TMEM164: variants seen among roughly 807,000 people sequenced by gnomAD.
TMEM164 encodes transmembrane protein 164.
In TMEM164, 4 loss-of-function variants were observed where a neutral mutation model predicts 18.8. The observed-to-expected ratio is 0.21, with a 90% confidence interval of 0.10 to 0.49. The LOEUF is 0.49. Ranked by LOEUF, TMEM164 falls within the 20% of genes least tolerant of loss-of-function variation. The pLI, the probability that TMEM164 is intolerant of heterozygous loss-of-function variation, is 0.98. For missense variants in TMEM164, 108 were observed against 239.9 expected, an observed-to-expected ratio of 0.45 and a Z score of 3.63; for synonymous variants, 86 against 101.7, an observed-to-expected ratio of 0.85 and a Z score of 0.93.
chrX:110,109,457 G>T (rs1324034146), intron 4 of TMEM164, among the ~76,000 whole-genome samples: 1 of 112,183 alleles, frequency 8.9e-6, no homozygotes, highest in Non-Finnish European at 1.9e-5. Flanking sequence ...GGCAGAGGTT[G>T]CAGTGAGTCA....
At chrX:110,100,494 G>A (rs1033337403) in intron 3 of TMEM164, among the ~76,000 whole-genome samples, 2 of 111,383 alleles carry the variant, frequency 1.8e-5, no homozygotes, top group African/African-American at 6.5e-5. Flanking sequence ...GCACTGATTT[G>A]GTGAATTATA....
At chrX:110,038,353 C>T (rs1934941061) in intron 2 of TMEM164, among the ~76,000 whole-genome samples, 1 of 110,747 alleles carries the variant, frequency 9.0e-6, no homozygotes, top group Non-Finnish European at 1.9e-5. Flanking sequence ...CTCACACTCT[C>T]CCACATGCCC....
chrX:110,100,122 C>T (rs971318372), intron 3 of TMEM164, among the ~76,000 whole-genome samples: 4 of 111,608 alleles, frequency 3.6e-5, no homozygotes, highest in Admixed American at 9.6e-5. Context: ...CATATAATCA[C>T]GTCCATTGCA....
At chrX:110,067,171 C>A (rs1242520525) in intron 2 of TMEM164, among the ~76,000 whole-genome samples, 176 bp from the exon 3 acceptor site, 1 of 111,105 alleles carries the variant, frequency 9.0e-6, no homozygotes, top group Admixed American at 9.5e-5. Context: ...CACACACACA[C>A]ACACACACGC....
At chrX:110,048,683 G>A (rs948979292) in intron 2 of TMEM164, among the ~76,000 whole-genome samples, 15 of 111,401 alleles carry the variant, frequency 1.3e-4, no homozygotes, top group Admixed American at 9.5e-5. Context: ...TGAATGCATT[G>A]GAATAACTTA....
chrX:110,158,981 T>G (rs1197454398), intron 5 of TMEM164, among the ~76,000 whole-genome samples: 1 of 112,418 alleles, frequency 8.9e-6, no homozygotes, highest in African/African-American at 3.2e-5. Context: ...CTTAATGTAT[T>G]AATATATAAA....
chrX:110,012,290 C>T (rs763489440), intron 2 of TMEM164, among the ~76,000 whole-genome samples: 1 of 111,751 alleles, frequency 8.9e-6, no homozygotes, highest in Non-Finnish European at 1.9e-5. Flanking sequence ...CTGATCCACC[C>T]CACACAAGTT....
At chrX:110,126,415 G>C (rs1219479060) in intron 4 of TMEM164, among the ~76,000 whole-genome samples, 1 of 112,243 alleles carries the variant, frequency 8.9e-6, no homozygotes, top group African/African-American at 3.2e-5. Context: ...CAGTGATTTG[G>C]AGAGTTTGTG....
intron 3 of TMEM164, among the ~76,000 whole-genome samples, chrX:110,099,219 T>C: frequency 9.0e-6 from 1 of 111,211 alleles, no homozygotes; most frequent in East Asian, 2.8e-4. Flanking sequence ...TAGCTTATCT[T>C]TTCATTGTCT....
chrX:110,053,728 T>A (rs1020795599), intron 2 of TMEM164, among the ~76,000 whole-genome samples: 2 of 111,577 alleles, frequency 1.8e-5, no homozygotes, highest in Admixed American at 9.5e-5. Context: ...TTGACGAGTT[T>A]CAAGGTAACC....
chrX:110,124,536 C>T (rs996161073), intron 4 of TMEM164, among the ~76,000 whole-genome samples: 1 of 110,415 alleles, frequency 9.1e-6, no homozygotes, highest in African/African-American at 3.3e-5. Flanking sequence ...TTCTGGGTCC[C>T]GGTACTGCAT....
At chrX:110,183,966 A>T (rs1227234446), downstream of TMEM164, among the ~76,000 whole-genome samples, 2 of 111,850 alleles carry the variant, frequency 1.8e-5, no homozygotes, top group African/African-American at 6.5e-5. Flanking sequence ...TCTGTGTAAT[A>T]CTATAATGGT....
intron 5 of TMEM164, among the ~76,000 whole-genome samples, chrX:110,169,530 C>T (rs2067202789): frequency 9.0e-6 from 1 of 111,434 alleles, no homozygotes; most frequent in Non-Finnish European, 1.9e-5. Flanking sequence ...TGCACACCAG[C>T]CAGGGTGATC....
chrX:110,138,007 A>G (rs1342305572), intron 4 of TMEM164, among the ~76,000 whole-genome samples: 1 of 112,106 alleles, frequency 8.9e-6, no homozygotes, highest in Non-Finnish European at 1.9e-5. Context: ...TCTGATAAAC[A>G]TACTAATGTG....
intron 3 of TMEM164, among the ~76,000 whole-genome samples, chrX:110,106,883 G>A (rs956889057): frequency 4.2e-4 from 47 of 111,909 alleles, no homozygotes; most frequent in African/African-American, 1.2e-3. Context: ...TGTCAGACAC[G>A]GGGTGCCACC....
At chrX:110,080,506 C>T (rs2065737138) in intron 3 of TMEM164, among the ~76,000 whole-genome samples, 1 of 111,693 alleles carries the variant, frequency 9.0e-6, no homozygotes, top group African/African-American at 3.3e-5. Flanking sequence ...CAGATCTCTT[C>T]TGTCATTCTT....
rs1466385524 is a variant in TMEM164, at chrX:110,175,040, G to A, written c.*1589G>A. 2.7e-5 allele frequency: 3 copies of A among 112,340 alleles called. No homozygotes were observed. The highest frequency in any genetic ancestry group is 9.7e-5 in the African/African-American group (3 of 30,903). The allele number at this position is 112,340 out of a possible 1,213,427, so 9.3% of individuals were successfully genotyped here. A position where few individuals can be genotyped will look rare whatever the true frequency, so the allele number is the denominator to read the frequency against. ...TTCTGCAGAGGCCTGCGGGCATTGA[G>A]GCTATCAATCCCCAGGGCTTGGGGA... On this transcript the variant is annotated 3_prime_UTR_variant, in exon 7 of 7. Coordinates refer to ENST00000372068, the MANE Select transcript of TMEM164 (RefSeq NM_032227.4).
chrX:110,095,099 G>T (rs1429935847), intron 3 of TMEM164, among the ~76,000 whole-genome samples: 1 of 111,755 alleles, frequency 8.9e-6, no homozygotes, highest in Non-Finnish European at 1.9e-5. Context: ...TTTCTCTCTG[G>T]CTGCCCTTAA....
chrX:110,017,448 C>CTTTCTTTCTTTCTTTCTTTCTT (rs1569295315), intron 2 of TMEM164, among the ~76,000 whole-genome samples: 8 of 15,965 alleles, frequency 5.0e-4, no homozygotes, highest in African/African-American at 1.4e-3. Context: ...CTTTCTTTCT[C>CTTTCTTTCTTTCTTTCTTTCTT]TCTCTCTCTC....
Sources: allele counts gnomAD v4.1 joint callset (sites outside exome capture counted in the v4.1 genomes callset), GRCh38; gene constraint gnomAD v4.1.1; transcripts MANE v1.5; gene names NCBI Gene and HGNC (gene_info 2026-07-23, HGNC 2026-07-21).